The following TCP11L1 variants were observed in gnomAD, a reference collection of about 807,000 sequenced individuals.
The protein encoded by TCP11L1 is t-complex 11 like 1.
In TCP11L1, 28 loss-of-function variants were observed where a neutral mutation model predicts 48.9. That is an observed-to-expected ratio of 0.57 (90% CI 0.42 to 0.78). The LOEUF is 0.78. Among genes scored for constraint, TCP11L1 ranks in the 30% least tolerant of loss-of-function variants. The pLI, the probability that TCP11L1 is intolerant of heterozygous loss-of-function variation, is 0.00. For missense variants in TCP11L1, 505 were observed against 613.4 expected (o/e 0.82, Z 1.87); for synonymous variants, 204 against 231.9 (o/e 0.88, Z 1.09).
At chr11:33,040,954 C>A (rs914495204) in intron 1 of TCP11L1, 1 of 152,182 alleles carries the variant, frequency 6.6e-6, no homozygotes, top group Non-Finnish European at 1.5e-5. Context: ...CATTATGGCT[C>A]CTTGTAAGCC....
intron 7 of TCP11L1, among the ~76,000 whole-genome samples, chr11:33,065,568 G>A (rs1489575521): frequency 3.3e-5 from 5 of 152,218 alleles, no homozygotes; most frequent in Non-Finnish European, 7.3e-5. Context: ...CAGCCGGGGA[G>A]GTCATGGTAT....
intron 3 of TCP11L1, among the ~76,000 whole-genome samples, chr11:33,055,791 G>A (rs999144375): frequency 4.6e-5 from 7 of 152,118 alleles, no homozygotes; most frequent in Admixed American, 3.3e-4. Context: ...CTTGTTTTGT[G>A]CTCAAGACAG....
rs147730317 is a variant in TCP11L1, at chr11:33,062,229, C to G, written c.972+503C>G. 2.1e-3 allele frequency among the ~76,000 whole-genome samples: 318 copies of G among 152,272 alleles called. 1 individual carries two copies. Among genetic ancestry groups the G allele is most frequent in the African/African-American group, 7.5e-3 (310 of 41,560 alleles). On this transcript the variant is annotated intron_variant, in intron 7 of 9. Transcript: ENST00000334274. ...TAGTCACAGAGTTACGCATCCATTG[C>G]CACTGTTTAATTGAGAACATTTTCA... is the stretch of plus-strand genomic sequence containing the variant.
intron 6 of TCP11L1, 95 bp downstream of exon 6, chr11:33,059,190 CTA>C (rs1159851502): frequency 4.7e-6 from 7 of 1,495,946 alleles, no homozygotes; most frequent in Non-Finnish European, 6.3e-6. Context: ...CAGAACAAAA[CTA>C]AAATTTAGTA....
At chr11:33,040,766 CT>C (rs1853807127) in intron 1 of TCP11L1, 1 of 55,310 alleles carries the variant, frequency 1.8e-5, no homozygotes, top group Non-Finnish European at 4.0e-5. Context: ...TCCTTTTCAC[CT>C]CCTCTCCCCC....
At chr11:33,058,165 C>G (rs368401002) in intron 5 of TCP11L1, 26 bp downstream of exon 5, 5 of 1,560,906 alleles carry the variant, frequency 3.2e-6, no homozygotes, top group Non-Finnish European at 4.3e-6. Flanking sequence ...AATCATACTC[C>G]GTGCAACTAC....
rs115798512 is a variant in TCP11L1 at position 33,071,346 on chromosome 11, G to A, written c.1328-1128G>A. On this transcript the variant is annotated intron_variant, in intron 9 of 9. Coordinates refer to ENST00000334274, the MANE Select transcript of TCP11L1 (RefSeq NM_018393.4). ...AAAAAGAGTAAGGGTGTTAGGCCCT[G>A]TCCTGTCAGCAGTTTCTGTCTGTGT... 8.9e-3 allele frequency among the ~76,000 whole-genome samples: 1,355 copies of A among 152,218 alleles called. 18 individuals carry two copies. Among genetic ancestry groups the A allele is most frequent in the African/African-American group, 0.031 (1,299 of 41,546 alleles).
At chr11:33,057,295 C>G in intron 4 of TCP11L1, 60 bp downstream of exon 4, 1 of 1,606,374 alleles carries the variant, frequency 6.2e-7, no homozygotes, top group Non-Finnish European at 8.5e-7. Context: ...TATTCAACTT[C>G]TTGTGTCACC....
intron 2 of TCP11L1, among the ~76,000 whole-genome samples, chr11:33,053,029 C>T (rs1195746430): frequency 6.6e-6 from 1 of 152,142 alleles, no homozygotes; most frequent in Non-Finnish European, 1.5e-5. Flanking sequence ...GATTCTTTGG[C>T]CCTGCTCCAG....
chr11:33,066,098 C>A, intron 8 of TCP11L1, 87 bp downstream of exon 8: 2 of 1,527,550 alleles, frequency 1.3e-6, no homozygotes, highest in South Asian at 2.4e-5. Context: ...CACTGTAAGG[C>A]AGAGCCCAGG....
chr11:33,072,233 G>A lies in TCP11L1; in HGVS notation c.1328-241G>A, dbSNP rs572904958. Among the ~76,000 whole-genome samples the A allele has an allele frequency of 3.0e-4, 46 of 152,306 alleles. 2 individuals carry two copies. The South Asian group carries it at 8.1e-3, about 27-fold the overall frequency. On this transcript the variant is annotated intron_variant, in intron 9 of 9. Coordinates refer to ENST00000334274, the MANE Select transcript of TCP11L1 (RefSeq NM_018393.4). Reference sequence around the variant, plus strand: ...CAGTCACTGTGCTGAGTGCTGAGGAGACATGATGAACAAGATGAGCATGGC... The same window carrying A: ...CAGTCACTGTGCTGAGTGCTGAGGAAACATGATGAACAAGATGAGCATGGC...
At chr11:33,043,148 T>C (rs1461331404) in intron 1 of TCP11L1, among the ~76,000 whole-genome samples, 1 of 152,120 alleles carries the variant, frequency 6.6e-6, no homozygotes, top group African/African-American at 2.4e-5. Context: ...GGCAGGAGAA[T>C]TGCTGAAACC....
At chr11:33,062,699 A>G (rs1590207) in intron 7 of TCP11L1, among the ~76,000 whole-genome samples, 62,886 of 152,076 alleles carry the variant, frequency 0.41, 13,269 homozygotes, top group African/African-American at 0.49. Flanking sequence ...GGCCCCTGGC[A>G]GCCACCATTC....
In TCP11L1 at chr11:33,072,458, T is replaced by C. The variant is rs1854820953; in HGVS notation, c.1328-16T>C. On this transcript the variant is annotated splice_polypyrimidine_tract_variant and intron_variant, in intron 9 of 9. Transcript: ENST00000334274. ...GAAGGACAAGAAACAACTGACCACTTTCTTTTTTGTCACAGAATCTCGAAT... is the reference window on the plus strand; with the variant it reads ...GAAGGACAAGAAACAACTGACCACTCTCTTTTTTGTCACAGAATCTCGAAT... 4 of 1,613,920 alleles carry C rather than the reference T, an allele frequency of 2.5e-6. No individual in the cohort carries two copies. Among genetic ancestry groups the C allele is most frequent in the Non-Finnish European group, 3.4e-6 (4 of 1,179,918 alleles).
At chr11:33,065,684 TCA>T in intron 7 of TCP11L1, 144 bp from the exon 8 acceptor site, 1 of 892,166 alleles carries the variant, frequency 1.1e-6, no homozygotes, top group Non-Finnish European at 1.7e-6. Context: ...AGGGGTTATT[TCA>T]CACCAGACTC....
At chr11:33,047,470 G>C (rs1191822625) in intron 2 of TCP11L1, among the ~76,000 whole-genome samples, 1 of 152,116 alleles carries the variant, frequency 6.6e-6, no homozygotes, top group Non-Finnish European at 1.5e-5. Context: ...TCACCTAGTT[G>C]ACCAGTAAAA....
chr11:33,054,381 T>C (rs918644153), intron 2 of TCP11L1, among the ~76,000 whole-genome samples: 21 of 152,186 alleles, frequency 1.4e-4, no homozygotes, highest in African/African-American at 5.1e-4. Flanking sequence ...ACCAGATGTT[T>C]TGAGTATTAA....
intron 7 of TCP11L1, among the ~76,000 whole-genome samples, chr11:33,065,004 T>G (rs1854572743): frequency 6.6e-6 from 1 of 152,230 alleles, no homozygotes; most frequent in African/African-American, 2.4e-5. Flanking sequence ...TGCTAGGGAC[T>G]GAGTGAGGGT....
At chr11:33,042,340 C>A (rs1853861687) in intron 1 of TCP11L1, among the ~76,000 whole-genome samples, 2 of 152,240 alleles carry the variant, frequency 1.3e-5, no homozygotes, top group East Asian at 3.9e-4. Context: ...GCGTGTTAGC[C>A]AGGATGGTCT....
Sources: gnomAD v4.1 joint callset for allele counts (sites outside exome capture counted in the v4.1 genomes callset) on GRCh38, gnomAD v4.1.1 for gene constraint, MANE v1.5 for transcripts, NCBI Gene and HGNC (gene_info 2026-07-23, HGNC 2026-07-21) for gene names.